The following OPCML variants were observed in gnomAD, a reference collection of about 807,000 sequenced individuals.
OPCML encodes the protein opioid binding protein/cell adhesion molecule like, also known as opioid-binding protein/cell adhesion molecule.
Under a neutral mutation model 37.8 loss-of-function variants are expected in OPCML, and 13 were observed. That is an observed-to-expected ratio of 0.34 (90% CI 0.22 to 0.55). OPCML has a LOEUF of 0.55. Ranked by LOEUF, OPCML falls within the 20% of genes least tolerant of loss-of-function variation. The pLI, the probability that OPCML is intolerant of heterozygous loss-of-function variation, is 0.91. For synonymous variants in OPCML, 176 were observed against 168.8 expected (o/e 1.04, Z -0.33); for missense variants, 341 against 435.6 (o/e 0.78, Z 1.93).
At chr11:132,567,227 C>T in intron 3 of OPCML, among the ~76,000 whole-genome samples, 1 of 152,128 alleles carries the variant, frequency 6.6e-6, no homozygotes, top group East Asian at 1.9e-4. Context: ...TCCCAGTTCT[C>T]ATGGTGAAAA....
intron 1 of OPCML, among the ~76,000 whole-genome samples, chr11:133,378,511 C>A (rs989440231): frequency 6.6e-6 from 1 of 152,224 alleles, no homozygotes; most frequent in African/African-American, 2.4e-5. Flanking sequence ...TCATCCCATA[C>A]CCCGGCAAAT....
intron 1 of OPCML, among the ~76,000 whole-genome samples, chr11:133,373,200 A>G (rs975070386): frequency 5.9e-5 from 9 of 151,984 alleles, no homozygotes; most frequent in African/African-American, 2.4e-5. Context: ...AAATTAGAAT[A>G]TCCTTAATCT....
chr11:132,846,125 G>C (rs888034618), intron 2 of OPCML, among the ~76,000 whole-genome samples: 4 of 152,184 alleles, frequency 2.6e-5, no homozygotes, highest in African/African-American at 9.7e-5. Flanking sequence ...TTCATTTACA[G>C]TCTCCTTTAT....
chr11:132,976,479 G>T (rs895277649), intron 1 of OPCML, among the ~76,000 whole-genome samples: 1 of 152,148 alleles, frequency 6.6e-6, no homozygotes, highest in African/African-American at 2.4e-5. Flanking sequence ...CCTGTGACTC[G>T]TGTTTATTTC....
At chr11:133,261,115 T>C (rs1941481922) in intron 1 of OPCML, among the ~76,000 whole-genome samples, 1 of 152,196 alleles carries the variant, frequency 6.6e-6, no homozygotes, top group African/African-American at 2.4e-5. Context: ...GGATATCACA[T>C]CAAGTGCTCA....
At chr11:132,522,548 A>G (rs1470684043) in intron 4 of OPCML, among the ~76,000 whole-genome samples, 1 of 152,234 alleles carries the variant, frequency 6.6e-6, no homozygotes, top group Non-Finnish European at 1.5e-5. Context: ...TGGCACAACT[A>G]CAGTTCAGAA....
intron 1 of OPCML, among the ~76,000 whole-genome samples, chr11:133,094,107 G>C (rs777779841): frequency 1.3e-5 from 2 of 151,566 alleles, no homozygotes; most frequent in Non-Finnish European, 1.5e-5. Context: ...AAATATTTCA[G>C]TAAAAAAAAA....
At chr11:133,097,873 T>C (rs771599872) in intron 1 of OPCML, among the ~76,000 whole-genome samples, 26 of 152,200 alleles carry the variant, frequency 1.7e-4, no homozygotes, top group African/African-American at 5.1e-4. Flanking sequence ...AAATAGTTAA[T>C]AGTTTAATAA....
Position 133,458,209 on chromosome 11 carries a change from T to C in OPCML, c.61+74055A>G, listed in dbSNP as rs1309894709. 3.7e-4 allele frequency among the ~76,000 whole-genome samples: 44 copies of C among 120,438 alleles called. 2 individuals are homozygous for C. Among genetic ancestry groups the C allele is most frequent in the Admixed American group, 2.9e-3 (39 of 13,512 alleles). The allele number at this position is 120,438 out of a possible 152,430, so 79.0% of individuals were successfully genotyped here. On this transcript the variant is annotated intron_variant, in intron 1 of 7. Transcript: ENST00000524381. ...ATATACACATATATACACGTGTGTG[T>C]ATATATACACATATATACACGTGTG... is the stretch of plus-strand genomic sequence containing the variant.
At chr11:132,830,954 A>C (rs779156332) in intron 2 of OPCML, among the ~76,000 whole-genome samples, 2 of 152,198 alleles carry the variant, frequency 1.3e-5, no homozygotes, top group East Asian at 1.9e-4. Flanking sequence ...ATGCAATAGG[A>C]TATATTTAGA....
intron 2 of OPCML, among the ~76,000 whole-genome samples, chr11:132,905,975 C>T (rs1336791177): frequency 6.6e-6 from 1 of 152,190 alleles, no homozygotes; most frequent in African/African-American, 2.4e-5. Context: ...CTCAAATGCA[C>T]AGATTTTCTA....
chr11:133,448,381 A>G (rs1255325626), intron 1 of OPCML, among the ~76,000 whole-genome samples: 1 of 152,160 alleles, frequency 6.6e-6, no homozygotes, highest in Non-Finnish European at 1.5e-5. Flanking sequence ...CGAACATTCA[A>G]TTCTATTCCA....
At chr11:132,587,874 A>T (rs960430172) in intron 3 of OPCML, among the ~76,000 whole-genome samples, 1 of 152,160 alleles carries the variant, frequency 6.6e-6, no homozygotes, top group Non-Finnish European at 1.5e-5. Context: ...GAGACCAAAG[A>T]GTAGAAGTAG....
intron 1 of OPCML, among the ~76,000 whole-genome samples, chr11:133,331,335 G>T (rs908756208): frequency 1.3e-5 from 2 of 152,134 alleles, no homozygotes; most frequent in Non-Finnish European, 2.9e-5. Flanking sequence ...AAGGACAGCT[G>T]ACATCAATCA....
At chr11:133,334,183 A>G (rs1943689456) in intron 1 of OPCML, among the ~76,000 whole-genome samples, 1 of 152,258 alleles carries the variant, frequency 6.6e-6, no homozygotes, top group South Asian at 2.1e-4. Context: ...CAATAAAGAC[A>G]CATGCACACA....
intron 3 of OPCML, among the ~76,000 whole-genome samples, chr11:132,603,726 C>CA (rs1359918655): frequency 9.9e-5 from 15 of 152,176 alleles, no homozygotes; most frequent in African/African-American, 2.6e-4. Flanking sequence ...CTCATGCTTG[C>CA]AAAAAACTGT....
intron 1 of OPCML, among the ~76,000 whole-genome samples, chr11:133,219,847 T>C (rs1450749684): frequency 1.3e-5 from 2 of 152,138 alleles, no homozygotes; most frequent in Non-Finnish European, 2.9e-5. Context: ...GCGATGCTGC[T>C]AATATCCTAT....
intron 1 of OPCML, among the ~76,000 whole-genome samples, chr11:132,988,724 T>C (rs550693868): frequency 6.6e-6 from 1 of 152,274 alleles, no homozygotes; most frequent in South Asian, 2.1e-4. Context: ...TCAGGAATAG[T>C]GGGTTTGTTT....
At chr11:133,475,519 C>T (rs1039416802) in intron 1 of OPCML, among the ~76,000 whole-genome samples, 2 of 152,122 alleles carry the variant, frequency 1.3e-5, no homozygotes, top group African/African-American at 4.8e-5. Context: ...TCCTCTCTGT[C>T]CCATTGCAGT....
Sources: gnomAD v4.1 joint callset for allele counts (sites outside exome capture counted in the v4.1 genomes callset) on GRCh38, gnomAD v4.1.1 for gene constraint, MANE v1.5 for transcripts, NCBI Gene and HGNC (gene_info 2026-07-23, HGNC 2026-07-21) for gene names.